Variants in PLBD2 observed in about 807,000 individuals in gnomAD.
The protein encoded by PLBD2 is putative aminopeptidase PLBD2.
Under a neutral mutation model 68.3 loss-of-function variants are expected in PLBD2, and 51 were observed. That is an observed-to-expected ratio of 0.75 (90% CI 0.60 to 0.94). PLBD2 has a LOEUF of 0.94. PLBD2 is among the 40% of genes least tolerant of loss of function. The pLI is 0.00. For synonymous variants in PLBD2, 314 were observed against 339.3 expected, an observed-to-expected ratio of 0.93 and a Z score of 0.82; for missense variants, 729 against 792.2, an observed-to-expected ratio of 0.92 and a Z score of 0.96.
rs571565159 is a variant in PLBD2 at position 113,389,075 on chromosome 12, G to T, written c.*449G>T. ...TGGAGCTGGTGAGCTTTGTCTGGGCGTTGTCTTCGGCTGGCATTGCTCCTC... is the reference window on the plus strand; with the variant it reads ...TGGAGCTGGTGAGCTTTGTCTGGGCTTTGTCTTCGGCTGGCATTGCTCCTC... On this transcript the variant is annotated 3_prime_UTR_variant, in exon 12 of 12. Coordinates refer to ENST00000280800, the MANE Select transcript of PLBD2 (RefSeq NM_173542.4). 6.5e-6 allele frequency: 1 copy of T among 153,920 alleles called. No homozygotes were observed. Among genetic ancestry groups the T allele is most frequent in the East Asian group, 1.9e-4 (1 of 5,254 alleles). The allele number at this position is 153,920 out of a possible 1,614,324, so 9.5% of individuals were successfully genotyped here.
chr12:113,364,164 C>T (rs773072454), intron 1 of PLBD2, among the ~76,000 whole-genome samples: 7 of 152,330 alleles, frequency 4.6e-5, no homozygotes, highest in Non-Finnish European at 7.3e-5. Flanking sequence ...TATGAGCATC[C>T]GGCCAGGGAA....
intron 11 of PLBD2, among the ~76,000 whole-genome samples, 178 bp from the exon 12 acceptor site, chr12:113,388,281 G>T (rs1480348165): frequency 6.6e-6 from 1 of 151,948 alleles, no homozygotes; most frequent in African/African-American, 2.4e-5. Context: ...GGCAGAGGTT[G>T]CAGTGAGCCA....
At chr12:113,361,804 A>G (rs752176125) in intron 1 of PLBD2, among the ~76,000 whole-genome samples, 3 of 152,032 alleles carry the variant, frequency 2.0e-5, no homozygotes, top group Non-Finnish European at 2.9e-5. Flanking sequence ...GTATCCTCCA[A>G]CCTTACTTTG....
chr12:113,358,681 G>T lies in PLBD2; in HGVS notation c.81G>T (p.Leu27=). ...GGGCGCTGGCGCTGGCCCTGGTGCTGGCCCTGCTGGTCGGGCCGTTCCTGA... is the reference window on the plus strand; with the variant it reads ...GGGCGCTGGCGCTGGCCCTGGTGCTTGCCCTGCTGGTCGGGCCGTTCCTGA... ...LTRALALALV[L]ALLVGPFLSG... is the part of the protein sequence containing the mutation. Residue 27 remains leucine, a synonymous_variant, in exon 1 of 12, where the codon CTG becomes CTT. Coordinates refer to ENST00000280800, the MANE Select transcript of PLBD2 (RefSeq NM_173542.4). 6.9e-7 allele frequency: 1 copy of T among 1,442,502 alleles called. No homozygotes were observed. 89.4% of individuals were successfully genotyped at this position (1,442,502 alleles called of 1,614,324 possible). A position where few individuals can be genotyped will look rare whatever the true frequency, so the allele number is the denominator to read the frequency against.
At chr12:113,362,310 G>A (rs867540178) in intron 1 of PLBD2, among the ~76,000 whole-genome samples, 7 of 151,822 alleles carry the variant, frequency 4.6e-5, no homozygotes, top group South Asian at 2.1e-4. Context: ...CTGGGCAACA[G>A]AGTGAGACCC....
rs543111230 is a variant in PLBD2 at position 113,385,325 on chromosome 12, A to G, written c.1286+42A>G. 1.3e-5 allele frequency: 21 copies of G among 1,568,784 alleles called. No homozygotes were observed. The East Asian group carries it at 3.8e-4, about 29-fold the overall frequency. On this transcript the variant is annotated intron_variant, in intron 9 of 11. Coordinates refer to ENST00000280800, the MANE Select transcript of PLBD2 (RefSeq NM_173542.4). ...TCCGCTCCCCGTCACCCTCCAGGGC[A>G]TCCACCTCACTCCTTGCCCAGCTCC...
chr12:113,363,043 ACCT>A (rs1015499506), intron 1 of PLBD2, among the ~76,000 whole-genome samples: 2 of 149,430 alleles, frequency 1.3e-5, no homozygotes, highest in Admixed American at 6.7e-5. Context: ...TGATCTGCCC[ACCT>A]CAGCCTCCCA....
At position 113,386,090 on chromosome 12, in the gene PLBD2, G is replaced by T. The variant is rs887696397; in HGVS notation, c.1286+807G>T. On this transcript the variant is annotated intron_variant, in intron 9 of 11. Coordinates refer to ENST00000280800, the MANE Select transcript of PLBD2 (RefSeq NM_173542.4). ...GATGCCATGCCTTTTGGGCCCCAGAGCCCAAGCTTGGCCACCCCACCAAGC... is the reference window on the plus strand; with the variant it reads ...GATGCCATGCCTTTTGGGCCCCAGATCCCAAGCTTGGCCACCCCACCAAGC... Among the ~76,000 whole-genome samples, 6 of 152,258 alleles carry T rather than the reference G, an allele frequency of 3.9e-5. 1 individual carries two copies. In the South Asian group the frequency reaches 1.2e-3, roughly 31 times the overall value.
chr12:113,365,303 A>G (rs185407365), intron 1 of PLBD2, among the ~76,000 whole-genome samples: 1 of 151,582 alleles, frequency 6.6e-6, no homozygotes, highest in Admixed American at 6.6e-5. Context: ...AATAAAACCC[A>G]TGTCATACGG....
chr12:113,384,108 A>AAGGT lies in PLBD2; in HGVS notation c.961_962insAGGT (p.Thr321LysfsTer56), dbSNP rs767263106. ...AGCCCCCTTGACCTTCCCACAGGTGACACTGGAGACCACCATTGGCAACAA... is the reference window on the plus strand; with the variant it reads ...AGCCCCCTTGACCTTCCCACAGGTGAAGGTCACTGGAGACCACCATTGGCAACAA... On this transcript the variant is annotated frameshift_variant, in exon 7 of 12. Coordinates refer to ENST00000280800, the MANE Select transcript of PLBD2 (RefSeq NM_173542.4). The surrounding 1 kb of genome is among the most constrained non-coding windows in gnomAD (Gnocchi z 4.2). 1.2e-6 allele frequency: 2 copies of AAGGT among 1,606,396 alleles called. No homozygotes were observed. Among genetic ancestry groups the AAGGT allele is most frequent in the Non-Finnish European group, 1.7e-6 (2 of 1,175,216 alleles).
chr12:113,384,316 A>G lies in PLBD2; in HGVS notation c.1118+51A>G, dbSNP rs1029929847. ...TTCCCCTGCACCAAGAGATAGACCA[A>G]CCTCCCCTTTAACACTCACACTCCT... is the stretch of plus-strand genomic sequence containing the variant. On this transcript the variant is annotated intron_variant, in intron 7 of 11. Transcript: ENST00000280800. This position sits in a 1 kb window ranked among gnomAD's most constrained non-coding sequence, Gnocchi z 4.2. 6.4e-7 allele frequency: 1 copy of G among 1,555,042 alleles called. No individual in the cohort carries two copies. The highest frequency in any genetic ancestry group is 8.7e-7 in the Non-Finnish European group (1 of 1,147,808).
intron 10 of PLBD2, among the ~76,000 whole-genome samples, chr12:113,387,370 T>G (rs938567184): frequency 3.3e-5 from 5 of 152,168 alleles, no homozygotes; most frequent in African/African-American, 4.8e-5. Context: ...AGAAAACCTG[T>G]GCCCCACTGT....
At chr12:113,385,637 C>A (rs1593291982) in intron 9 of PLBD2, among the ~76,000 whole-genome samples, 1 of 152,360 alleles carries the variant, frequency 6.6e-6, no homozygotes, top group South Asian at 2.1e-4. Flanking sequence ...AAAATTGCCA[C>A]ATGTGGTCAC....
In PLBD2 at chr12:113,372,607, C is replaced by T. The variant is rs765538327; in HGVS notation, c.385-42C>T. ...GGGGGGCTCTCAGGGAAGAGAGCAC[C>T]CCAGCTGCCCGCCCTTGCCTCGCCC... On this transcript the variant is annotated intron_variant, in intron 2 of 11. Coordinates refer to ENST00000280800, the MANE Select transcript of PLBD2 (RefSeq NM_173542.4). The surrounding 1 kb of genome is among the most constrained non-coding windows in gnomAD (Gnocchi z 4.2). 1 of 1,595,822 alleles carries T rather than the reference C, an allele frequency of 6.3e-7. No homozygotes were observed. The highest frequency in any genetic ancestry group is 8.6e-7 in the Non-Finnish European group (1 of 1,168,898).
At chr12:113,379,131 A>T (rs1352302464) in intron 5 of PLBD2, among the ~76,000 whole-genome samples, 1 of 152,084 alleles carries the variant, frequency 6.6e-6, no homozygotes, top group Non-Finnish European at 1.5e-5. Flanking sequence ...AATGTGGTAA[A>T]ACCATGTCTC....
intron 6 of PLBD2, 79 bp downstream of exon 6, chr12:113,380,921 G>A: frequency 1.5e-6 from 2 of 1,363,062 alleles, no homozygotes; most frequent in Non-Finnish European, 2.0e-6. Flanking sequence ...ATTGATTCCT[G>A]CGGCAAGTGG....
At chr12:113,373,814 C>T (rs978272249) in intron 3 of PLBD2, among the ~76,000 whole-genome samples, 6 of 149,822 alleles carry the variant, frequency 4.0e-5, no homozygotes, top group African/African-American at 1.5e-4. Flanking sequence ...TATCCATTCA[C>T]ACACCCGTCC....
intron 8 of PLBD2, 64 bp from the exon 9 acceptor site, chr12:113,385,148 A>T: frequency 6.5e-7 from 1 of 1,550,312 alleles, no homozygotes; most frequent in Non-Finnish European, 8.9e-7. Flanking sequence ...CTCCCCGAGC[A>T]GGGCAGTGCC....
At chr12:113,362,791 A>AT (rs112639164) in intron 1 of PLBD2, among the ~76,000 whole-genome samples, 15,954 of 145,704 alleles carry the variant, frequency 0.11, 942 homozygotes, top group Middle Eastern at 0.21. Context: ...CTTTTGATTT[A>AT]TTTTTTTTTT....
Sources: gnomAD v4.1 joint callset for allele counts (sites outside exome capture counted in the v4.1 genomes callset) on GRCh38, gnomAD v4.1.1 for gene constraint, Gnocchi (gnomAD v3.1) non-coding constraint, MANE v1.5 for transcripts, NCBI Gene and HGNC (gene_info 2026-07-23, HGNC 2026-07-21) for gene names.